EHMT2: variants seen among roughly 807,000 people sequenced by gnomAD.
EHMT2 encodes histone-lysine N-methyltransferase EHMT2.
In EHMT2, 59 loss-of-function variants were observed where a neutral mutation model predicts 143.3. The observed-to-expected ratio is 0.41, with a 90% CI of 0.33 to 0.51. The LOEUF (loss-of-function observed/expected upper bound fraction) is 0.51, where lower values mean the gene tolerates loss of function less well. EHMT2 is among the 20% of genes least tolerant of loss of function. EHMT2 has a pLI of 0.18. For synonymous variants in EHMT2, 604 were observed against 651.5 expected (o/e 0.93, Z 1.11); for missense variants, 1,174 against 1,645.9 (o/e 0.71, Z 4.96).
chr6:31,884,123 C>A lies in EHMT2; in HGVS notation c.2772-173G>T. Reference sequence around the variant, plus strand: ...AGAATTTTAGATAAACAAGAAATAGCTTTTTAGTATGTCCCAAAAATTACA... The same window carrying A: ...AGAATTTTAGATAAACAAGAAATAGATTTTTAGTATGTCCCAAAAATTACA... On this transcript the variant is annotated intron_variant, in intron 21 of 27. Coordinates refer to ENST00000375537, the Ensembl canonical transcript of EHMT2. This position sits in a 1 kb window ranked among gnomAD's most constrained non-coding sequence, Gnocchi z 7.3. 1.3e-6 allele frequency: 1 copy of A among 793,826 alleles called. No homozygotes were observed. Among genetic ancestry groups the A allele is most frequent in the Non-Finnish European group, 1.9e-6 (1 of 517,814 alleles). 49.2% of individuals were successfully genotyped at this position (793,826 alleles called of 1,614,324 possible).
At chr6:31,897,039 T>C in intron 1 of EHMT2, 50 bp from the exon 2 acceptor site, 1 of 1,519,860 alleles carries the variant, frequency 6.6e-7, no homozygotes, top group Non-Finnish European at 8.8e-7. Context: ...AGTAGAGAGT[T>C]GGGGGGTCCA....
In EHMT2 at chr6:31,888,927, G is replaced by A. The variant is rs1277273721; in HGVS notation, c.1216+42C>T. ...CCTTCCCTTTCCCTCCTGCCCTGAG[G>A]TCGCCCCCTAGTGGCTCCCTGTCCC... On this transcript the variant is annotated intron_variant, in intron 10 of 27. Transcript: ENST00000375537. The surrounding 1 kb of genome is among the most constrained non-coding windows in gnomAD (Gnocchi z 7.4). 2 of 1,553,362 alleles carry A rather than the reference G, an allele frequency of 1.3e-6. No homozygotes were observed. The highest frequency in any genetic ancestry group is 2.7e-5 in the African/African-American group (2 of 73,686).
chr6:31,892,384 A>T, intron 7 of EHMT2, 23 bp downstream of exon 7: 1 of 1,602,398 alleles, frequency 6.2e-7, no homozygotes, highest in African/African-American at 1.3e-5. Flanking sequence ...ACCGGCGGGG[A>T]GGGCAGACCA....
chr6:31,884,034 G>T lies in EHMT2; in HGVS notation c.2772-84C>A. On this transcript the variant is annotated intron_variant, in intron 21 of 27. Transcript: ENST00000375537. This position sits in a 1 kb window ranked among gnomAD's most constrained non-coding sequence, Gnocchi z 7.3. ...AGGTATAAGGAAGAGAGTTGGGGAG[G>T]TTCCTGGGGCTGGGGGCAGGGGAGT... 1 of 1,506,162 alleles carries T rather than the reference G, an allele frequency of 6.6e-7. No homozygotes were observed. 93.3% of individuals were successfully genotyped at this position (1,506,162 alleles called of 1,614,324 possible).
chr6:31,882,758 G>C, exon 25 of EHMT2: 2 of 1,612,626 alleles, frequency 1.2e-6, no homozygotes, highest in Non-Finnish European at 1.7e-6. Flanking sequence ...AGCCCATCTT[G>C]GCTGTTCGGT....
At chr6:31,886,781 A>G (rs1764910293) in exon 17 of EHMT2, 1 of 1,614,104 alleles carries the variant, frequency 6.2e-7, no homozygotes, top group African/African-American at 1.3e-5. Context: ...ACACCTTGCT[A>G]TAGACACAGC....
chr6:31,897,475 C>T (rs1049934907), intron 1 of EHMT2, among the ~76,000 whole-genome samples, 161 bp downstream of exon 1: 4 of 149,864 alleles, frequency 2.7e-5, no homozygotes, highest in Non-Finnish European at 6.0e-5. Context: ...ACCTCCCACA[C>T]CCTGGTCCCC....
intron 4 of EHMT2, chr6:31,893,275 A>C: frequency 4.4e-6 from 2 of 451,512 alleles, no homozygotes; most frequent in Non-Finnish European, 4.2e-6. Flanking sequence ...GATAAGCAAA[A>C]TGTGGCATTT....
Position 31,883,317 on chromosome 6 carries a change from T to C in EHMT2, c.2994+45A>G, listed in dbSNP as rs1173241893. 6.3e-7 allele frequency: 1 copy of C among 1,587,568 alleles called. No homozygotes were observed. The highest frequency in any genetic ancestry group is 1.7e-5 in the Admixed American group (1 of 59,684). On this transcript the variant is annotated intron_variant, in intron 23 of 27. Transcript: ENST00000375537. The surrounding 1 kb of genome is among the most constrained non-coding windows in gnomAD (Gnocchi z 5.6). ...CTGGTTTATTGGAGGCTGGCTCCTC[T>C]GAAGGAGGGGCCGGGTGTCTGTGGC...
At position 31,880,183 on chromosome 6, in the gene EHMT2, T is replaced by C; in HGVS notation, c.3534A>G (p.Ser1178=). The C allele has an allele frequency of 1.9e-6, 3 of 1,613,072 alleles. No homozygotes were observed. The highest frequency in any genetic ancestry group is 2.5e-6 in the Non-Finnish European group (3 of 1,180,032). The change falls in exon 28 of 28, where the codon TCA becomes TCG. Residue 1178 remains serine, a synonymous_variant. Coordinates refer to ENST00000375537, the Ensembl canonical transcript of EHMT2. This position sits in a 1 kb window ranked among gnomAD's most constrained non-coding sequence, Gnocchi z 6.6. ...TCTGCTCCAGGGCAATGGCTTCGGC[T>C]GAGTGCTTGCACTTCTCAGAGCCAC... is the stretch of plus-strand genomic sequence containing the variant.
chr6:31,887,530 T>C (rs1467770049), intron 15 of EHMT2, 47 bp downstream of exon 15: 1 of 1,556,130 alleles, frequency 6.4e-7, no homozygotes, highest in Non-Finnish European at 8.9e-7. Context: ...GCCTGGTATA[T>C]ACATGAAGCT....
At chr6:31,893,311 A>G in intron 4 of EHMT2, 1 of 445,476 alleles carries the variant, frequency 2.2e-6, no homozygotes, top group Non-Finnish European at 4.4e-6. Context: ...ACATTCAGCC[A>G]TAAAAAGGAA....
At chr6:31,892,979 C>A in intron 4 of EHMT2, 69 bp from the exon 5 acceptor site, 1 of 1,075,854 alleles carries the variant, frequency 9.3e-7, no homozygotes. Context: ...TAGCCTGGAG[C>A]CCCAGGCGGG....
Position 31,888,357 on chromosome 6 carries a change from A to C in EHMT2, c.1509+6T>G, listed in dbSNP as rs370545486. 5 of 1,612,094 alleles carry C rather than the reference A, an allele frequency of 3.1e-6. No homozygotes were observed. The African/African-American group carries it at 6.7e-5, about 22-fold the overall frequency. ...ATGCTACCTGTCTGCCCCACTGGTC[A>C]CTCACCGCCGTGCAGAAGTAGCCGC... On this transcript the variant is annotated splice_donor_region_variant and intron_variant, in intron 12 of 27. Coordinates refer to ENST00000375537, the Ensembl canonical transcript of EHMT2. The surrounding 1 kb of genome is among the most constrained non-coding windows in gnomAD (Gnocchi z 7.4).
At chr6:31,896,802 G>C in exon 3 of EHMT2, 1 of 1,613,022 alleles carries the variant, frequency 6.2e-7, no homozygotes, top group Non-Finnish European at 8.5e-7. Flanking sequence ...CACTACGAGG[G>C]GTGTCCCCCA....
chr6:31,880,324 AAG>A lies in EHMT2; in HGVS notation c.3453-62_3453-61del. On this transcript the variant is annotated intron_variant, in intron 27 of 27. Coordinates refer to ENST00000375537, the Ensembl canonical transcript of EHMT2. This position sits in a 1 kb window ranked among gnomAD's most constrained non-coding sequence, Gnocchi z 6.6. ...ACCCAGCCACCAAGAGCCCACCCCG[AAG>A]ACCCTGTGGATCCTGCTCCCTGAGA... The A allele has an allele frequency of 6.4e-7, 1 of 1,574,420 alleles. No individual in the cohort carries two copies. Among genetic ancestry groups the A allele is most frequent in the East Asian group, 2.3e-5 (1 of 44,296 alleles).
chr6:31,892,758 T>A, intron 5 of EHMT2, 24 bp from the exon 6 acceptor site: 1 of 1,613,076 alleles, frequency 6.2e-7, no homozygotes, highest in Non-Finnish European at 8.5e-7. Flanking sequence ...GAGAATGGTG[T>A]GGGGCCTATC....
At position 31,881,140 on chromosome 6, in the gene EHMT2, G is replaced by A; in HGVS notation, c.3198-48C>T. 1 of 1,542,008 alleles carries A rather than the reference G, an allele frequency of 6.5e-7. No homozygotes were observed. The highest frequency in any genetic ancestry group is 9.0e-7 in the Non-Finnish European group (1 of 1,116,186). Reference sequence around the variant, plus strand: ...TCTGAAGGTGAGTGTGGGCTATTAGGAGGTGGCTCCAGGCCCCATCTCTCT... The same window carrying A: ...TCTGAAGGTGAGTGTGGGCTATTAGAAGGTGGCTCCAGGCCCCATCTCTCT... On this transcript the variant is annotated intron_variant, in intron 25 of 27. Transcript: ENST00000375537. This position sits in a 1 kb window ranked among gnomAD's most constrained non-coding sequence, Gnocchi z 4.8.
chr6:31,886,368 T>G, intron 18 of EHMT2: 1 of 578,964 alleles, frequency 1.7e-6, no homozygotes. Flanking sequence ...TTTCAGAGAT[T>G]AAGACAGGAA....
Sources: gnomAD v4.1 joint callset for allele counts (sites outside exome capture counted in the v4.1 genomes callset) on GRCh38, gnomAD v4.1.1 for gene constraint, Gnocchi (gnomAD v3.1) non-coding constraint, MANE v1.5 for transcripts, NCBI Gene and HGNC (gene_info 2026-07-23, HGNC 2026-07-21) for gene names.